Variants in NRG3 observed in about 807,000 individuals in gnomAD.
The protein encoded by NRG3 is neuregulin 3.
Under a neutral mutation model 66.9 loss-of-function variants are expected in NRG3, and 31 were observed. That is an observed-to-expected ratio of 0.46 (90% CI 0.35 to 0.63). NRG3 has a LOEUF of 0.63. NRG3 is among the 20% of genes least tolerant of loss of function. The probability of loss-of-function intolerance (pLI) is 0.00; values close to 1 mark genes in which losing one functional copy is unlikely to be tolerated. For synonymous variants in NRG3, 393 were observed against 359.4 expected, an observed-to-expected ratio of 1.09 and a Z score of -1.06; for missense variants, 910 against 878.9, an observed-to-expected ratio of 1.04 and a Z score of -0.45.
intron 2 of NRG3, among the ~76,000 whole-genome samples, chr10:82,510,284 T>C (rs1845055515): frequency 6.6e-6 from 1 of 152,174 alleles, no homozygotes; most frequent in Non-Finnish European, 1.5e-5. Context: ...GTTTCCATCG[T>C]GCATCTAGTT....
At chr10:82,084,870 C>G (rs1171780957) in intron 1 of NRG3, among the ~76,000 whole-genome samples, 1 of 152,118 alleles carries the variant, frequency 6.6e-6, no homozygotes, top group Non-Finnish European at 1.5e-5. Flanking sequence ...CTTCAGGTAG[C>G]AGTTCTTCTC....
intron 4 of NRG3, among the ~76,000 whole-genome samples, chr10:82,874,669 G>A (rs1433448161): frequency 6.6e-6 from 1 of 152,138 alleles, no homozygotes; most frequent in Non-Finnish European, 1.5e-5. Flanking sequence ...GAATGAAGTA[G>A]TAACTATTTA....
intron 1 of NRG3, among the ~76,000 whole-genome samples, chr10:82,226,750 A>G (rs2076182661): frequency 6.6e-6 from 1 of 152,190 alleles, no homozygotes; most frequent in Non-Finnish European, 1.5e-5. Flanking sequence ...TGAGATTCAA[A>G]TTGCTCATGT....
chr10:82,341,967 T>C (rs1040851041), intron 1 of NRG3, among the ~76,000 whole-genome samples: 6 of 152,060 alleles, frequency 3.9e-5, no homozygotes, highest in East Asian at 1.9e-4. Context: ...CATGGTGTTT[T>C]GGTTACTAAG....
intron 2 of NRG3, among the ~76,000 whole-genome samples, chr10:82,685,179 A>G (rs2054423480): frequency 6.6e-6 from 1 of 152,202 alleles, no homozygotes; most frequent in African/African-American, 2.4e-5. Context: ...CCAAGAGCCC[A>G]GGTGTTTTTT....
intron 2 of NRG3, among the ~76,000 whole-genome samples, chr10:82,632,313 C>T (rs2049898746): frequency 6.6e-6 from 1 of 152,108 alleles, no homozygotes; most frequent in South Asian, 2.1e-4. Flanking sequence ...ATATATTCTG[C>T]CTGCATTTAG....
chr10:82,275,474 A>T (rs1189108016), intron 1 of NRG3, among the ~76,000 whole-genome samples: 1 of 152,060 alleles, frequency 6.6e-6, no homozygotes, highest in Admixed American at 6.6e-5. Flanking sequence ...ATTTGTTAAT[A>T]AGAGTCTAAC....
chr10:82,899,629 A>T (rs747406874), intron 4 of NRG3, among the ~76,000 whole-genome samples: 1 of 152,346 alleles, frequency 6.6e-6, no homozygotes, highest in South Asian at 2.1e-4. Flanking sequence ...ATTCTTATAG[A>T]CAAATATAAT....
intron 1 of NRG3, among the ~76,000 whole-genome samples, chr10:82,271,519 C>T (rs1204996128): frequency 6.6e-6 from 1 of 152,046 alleles, no homozygotes; most frequent in Non-Finnish European, 1.5e-5. Flanking sequence ...GGTGTTAAAA[C>T]TCTTTGCCTC....
rs576772891 is a variant in NRG3, at chr10:82,019,009, G to T, written c.823+142846G>T. On this transcript the variant is annotated intron_variant, in intron 1 of 8. Transcript: ENST00000372141. ...TGGTGAGAGAAGGCATCCCTGTCTT[G>T]TGCCAGTTTTCAAAGGGAATGCTTC... Among the ~76,000 whole-genome samples, 15 of 152,216 alleles carry T rather than the reference G, an allele frequency of 9.9e-5. No individual in the cohort carries two copies. The South Asian group carries it at 2.7e-3, about 27-fold the overall frequency.
At chr10:82,573,209 CA>C (rs984005293) in intron 2 of NRG3, among the ~76,000 whole-genome samples, 60 of 151,860 alleles carry the variant, frequency 4.0e-4, no homozygotes, top group African/African-American at 1.4e-3. Context: ...GTTAGAGACC[CA>C]AGGTTGACCT....
chr10:81,955,157 T>C (rs1849707102), intron 1 of NRG3, among the ~76,000 whole-genome samples: 2 of 148,032 alleles, frequency 1.4e-5, no homozygotes. Context: ...ATATAGAATA[T>C]ATAATATATA....
rs578104044 is a variant in NRG3, at chr10:82,628,890, G to T, written c.954-109687G>T. On this transcript the variant is annotated intron_variant, in intron 2 of 8. Transcript: ENST00000372141. ...GAAAGATCTGGCTCAATATTAAGAA[G>T]AATATAAAATGGTCACAGAGTGTAT... Among the ~76,000 whole-genome samples, 4 of 152,266 alleles carry T rather than the reference G, an allele frequency of 2.6e-5. No individual in the cohort carries two copies. The East Asian group carries it at 5.8e-4, about 22-fold the overall frequency.
intron 2 of NRG3, among the ~76,000 whole-genome samples, chr10:82,377,836 C>A (rs895315991): frequency 6.6e-6 from 1 of 152,150 alleles, no homozygotes; most frequent in Non-Finnish European, 1.5e-5. Context: ...CTGCAAATAA[C>A]GTTTACAAAT....
chr10:82,244,146 T>A (rs2077128664), intron 1 of NRG3, among the ~76,000 whole-genome samples: 1 of 152,178 alleles, frequency 6.6e-6, no homozygotes, highest in Non-Finnish European at 1.5e-5. Context: ...CATTGTGATT[T>A]TTTTTCCTTT....
intron 1 of NRG3, among the ~76,000 whole-genome samples, chr10:82,166,098 C>G (rs1227173045): frequency 6.6e-6 from 1 of 152,112 alleles, no homozygotes; most frequent in Non-Finnish European, 1.5e-5. Flanking sequence ...TCTCAGCTCA[C>G]CACAACCTCC....
chr10:82,376,905 A>G (rs2085276831), intron 2 of NRG3, among the ~76,000 whole-genome samples: 1 of 152,170 alleles, frequency 6.6e-6, no homozygotes, highest in Admixed American at 6.5e-5. Flanking sequence ...ACATGGATGA[A>G]GTACTTATCT....
rs1158502018 is a variant in NRG3 at position 82,435,779 on chromosome 10, C to CTTTT, written c.953+76928_953+76931dup. On this transcript the variant is annotated intron_variant, in intron 2 of 8. Transcript: ENST00000372141. ...GTTTTGAGTGAGTTTCTTTTCTTTT[C>CTTTT]TTTTTTTTTTTTTTTTTTTTGAGAT... Among the ~76,000 whole-genome samples, 133 of 108,172 alleles carry CTTTT rather than the reference C, an allele frequency of 1.2e-3. 1 individual carries two copies. The highest frequency in any genetic ancestry group is 1.6e-3 in the African/African-American group (44 of 27,268). The allele number at this position is 108,172 out of a possible 152,430, so 71.0% of individuals were successfully genotyped here.
At chr10:82,107,672 C>T (rs10884204) in intron 1 of NRG3, among the ~76,000 whole-genome samples, 40,157 of 152,104 alleles carry the variant, frequency 0.26, 5,858 homozygotes, top group African/African-American at 0.39. Flanking sequence ...GATCATTACA[C>T]TATTGTTGCA....
Sources: allele counts gnomAD v4.1 joint callset (sites outside exome capture counted in the v4.1 genomes callset), GRCh38; gene constraint gnomAD v4.1.1; transcripts MANE v1.5; gene names NCBI Gene and HGNC (gene_info 2026-07-23, HGNC 2026-07-21).